The following KCMF1 variants were observed in gnomAD, a reference collection of about 807,000 sequenced individuals.
The protein encoded by KCMF1 is E3 ubiquitin-protein ligase KCMF1.
A neutral mutation model predicts 41.1 loss-of-function variants in KCMF1; 3 were observed. That is an observed-to-expected ratio of 0.07 (90% confidence interval 0.03 to 0.19). The LOEUF (loss-of-function observed/expected upper bound fraction) is 0.19, where lower values mean the gene tolerates loss of function less well. Ranked by LOEUF, KCMF1 falls within the 10% of genes least tolerant of loss-of-function variation. The pLI is 1.00. For missense variants in KCMF1, 286 were observed against 488.9 expected, an observed-to-expected ratio of 0.58 and a Z score of 3.91; for synonymous variants, 142 against 164.5, an observed-to-expected ratio of 0.86 and a Z score of 1.04.
chr2:85,048,563 G>A (rs148408856), intron 5 of KCMF1, among the ~76,000 whole-genome samples: 4 of 152,218 alleles, frequency 2.6e-5, no homozygotes, highest in African/African-American at 9.7e-5. Context: ...GGCAGTCATC[G>A]ATTCCCTATA....
chr2:84,977,829 T>G (rs1004238296), intron 1 of KCMF1, among the ~76,000 whole-genome samples: 4 of 152,126 alleles, frequency 2.6e-5, no homozygotes, highest in Admixed American at 1.3e-4. Flanking sequence ...ATTTCTGGGG[T>G]CTTTGATTTC....
At position 85,035,098 on chromosome 2, in the gene KCMF1, G is replaced by A. The variant is rs765616425; in HGVS notation, c.267G>A (p.Thr89=). The stretch of plus-strand genomic sequence containing the variant: ...CCTATTGTGGAAAAATGGGCTATAC[G>A]GAGACATCTCTTCAAGAACATGTTA... ...TCPYCGKMGY[T]ETSLQEHVTS... The change falls in exon 3 of 7, where the codon ACG becomes ACA. Residue 89 remains threonine (T), a synonymous_variant. Coordinates refer to ENST00000409785, the MANE Select transcript of KCMF1 (RefSeq NM_020122.5). The A allele has an allele frequency of 6.8e-6, 11 of 1,613,296 alleles. No individual in the cohort carries two copies. Among genetic ancestry groups the A allele is most frequent in the East Asian group, 2.2e-5 (1 of 44,848 alleles).
chr2:85,015,276 T>A (rs1324644303), intron 1 of KCMF1, among the ~76,000 whole-genome samples: 3 of 152,174 alleles, frequency 2.0e-5, no homozygotes, highest in Non-Finnish European at 4.4e-5. Flanking sequence ...TTTCATTTGC[T>A]TAATTCATTC....
At chr2:85,025,038 C>T (rs1181945205) in intron 1 of KCMF1, among the ~76,000 whole-genome samples, 3 of 152,190 alleles carry the variant, frequency 2.0e-5, no homozygotes, top group Non-Finnish European at 4.4e-5. Context: ...ACAAGTCCCT[C>T]TATCTCATTT....
Position 85,049,460 on chromosome 2 carries a change from G to A in KCMF1, c.696G>A (p.Met232Ile), listed in dbSNP as rs1302361785. 1 of 1,614,022 alleles carries A rather than the reference G, an allele frequency of 6.2e-7. No homozygotes were observed. Among genetic ancestry groups the A allele is most frequent in the African/African-American group, 1.3e-5 (1 of 75,048 alleles). ...PSASQLQQLQ[M>I]QLQLERQHAQ... is the part of the protein sequence containing the mutation. The stretch of plus-strand genomic sequence containing the variant: ...CTTCTCAGTTACAACAACTGCAGAT[G>A]CAGCTGCAGCTAGAACGGCAGCATG... Residue 232 changes from methionine to isoleucine, a missense_variant, in exon 6 of 7, where the codon ATG (methionine) becomes ATA (isoleucine). Met to Ile is a conservative substitution (Grantham distance 10). Transcript: ENST00000409785.
intron 1 of KCMF1, among the ~76,000 whole-genome samples, chr2:84,979,396 C>G (rs1057102930): frequency 1.3e-5 from 2 of 151,752 alleles, no homozygotes; most frequent in African/African-American, 2.4e-5. Context: ...TGATGGCAGG[C>G]GCCTGTAATC....
chr2:85,037,716 T>C (rs1262981589), intron 3 of KCMF1, among the ~76,000 whole-genome samples: 1 of 152,252 alleles, frequency 6.6e-6, no homozygotes, highest in African/African-American at 2.4e-5. Context: ...CTAAATGCTC[T>C]GTTTGCTATC....
At chr2:84,990,314 T>A (rs918313333) in intron 1 of KCMF1, among the ~76,000 whole-genome samples, 1 of 152,262 alleles carries the variant, frequency 6.6e-6, no homozygotes, top group Middle Eastern at 3.4e-3. Flanking sequence ...TTTTGGCACA[T>A]AATAGAGACT....
At chr2:85,045,731 G>A (rs577173040) in intron 4 of KCMF1, among the ~76,000 whole-genome samples, 7 of 152,262 alleles carry the variant, frequency 4.6e-5, no homozygotes, top group South Asian at 4.1e-4. Context: ...GCTTAGCAGC[G>A]GCATTGGAAA....
At chr2:84,987,240 G>C (rs1237631484) in intron 1 of KCMF1, among the ~76,000 whole-genome samples, 1 of 152,230 alleles carries the variant, frequency 6.6e-6, no homozygotes, top group African/African-American at 2.4e-5. Context: ...AGAGGAAGGA[G>C]TAGTGCATTA....
chr2:84,996,179 T>G (rs1175115349), intron 1 of KCMF1, among the ~76,000 whole-genome samples: 3 of 152,218 alleles, frequency 2.0e-5, no homozygotes, highest in Non-Finnish European at 4.4e-5. Flanking sequence ...CAGGTTTTTC[T>G]TTTGGGACAT....
intron 1 of KCMF1, among the ~76,000 whole-genome samples, chr2:85,019,832 A>G (rs935687466): frequency 5.3e-5 from 8 of 151,724 alleles, no homozygotes; most frequent in African/African-American, 1.5e-4. Context: ...ATATATACGT[A>G]TGTATATATG....
At chr2:85,047,816 A>T (rs1361451638) in intron 5 of KCMF1, among the ~76,000 whole-genome samples, 2 of 152,124 alleles carry the variant, frequency 1.3e-5, no homozygotes, top group African/African-American at 4.8e-5. Context: ...CCATGTGGTG[A>T]AGTGTGCACC....
At chr2:85,020,835 T>C (rs1674914771) in intron 1 of KCMF1, among the ~76,000 whole-genome samples, 3 of 152,210 alleles carry the variant, frequency 2.0e-5, no homozygotes, top group Non-Finnish European at 4.4e-5. Context: ...CACTGCTTTA[T>C]GTTTCTCCAT....
At chr2:84,979,653 CT>C (rs1195161882) in intron 1 of KCMF1, among the ~76,000 whole-genome samples, 1 of 151,814 alleles carries the variant, frequency 6.6e-6, no homozygotes, top group Non-Finnish European at 1.5e-5. Context: ...TAATAAAAGT[CT>C]TTTTTTATAG....
chr2:84,984,854 ATTAT>A (rs1268890061), intron 1 of KCMF1, among the ~76,000 whole-genome samples: 1 of 152,028 alleles, frequency 6.6e-6, no homozygotes, highest in Non-Finnish European at 1.5e-5. Flanking sequence ...AGAAACTTCT[ATTAT>A]TTATTTATTT....
intron 1 of KCMF1, among the ~76,000 whole-genome samples, chr2:84,976,331 C>T (rs902508852): frequency 5.9e-5 from 9 of 151,792 alleles, no homozygotes; most frequent in Non-Finnish European, 1.2e-4. Context: ...CTCAGCCTCC[C>T]GAGTAGCTCG....
At chr2:85,014,230 G>T (rs1034031655) in intron 1 of KCMF1, among the ~76,000 whole-genome samples, 1 of 152,176 alleles carries the variant, frequency 6.6e-6, no homozygotes. Context: ...GAGAAGTTGT[G>T]TAATTAGTAG....
rs371504093 is a variant in KCMF1 at position 85,040,075 on chromosome 2, C to T, written c.325-3489C>T. On this transcript the variant is annotated intron_variant, in intron 3 of 6. Coordinates refer to ENST00000409785, the MANE Select transcript of KCMF1 (RefSeq NM_020122.5). ...AGGCAATCCATCTGCCTTGGCCTCC[C>T]AAAGTGCTGCGATTGTAGGCGTGAG... Among the ~76,000 whole-genome samples, 31 of 152,262 alleles carry T rather than the reference C, an allele frequency of 2.0e-4. No homozygotes were observed. In the East Asian group the frequency reaches 5.8e-3, roughly 29 times the overall value.
Sources: gnomAD v4.1 joint callset for allele counts (sites outside exome capture counted in the v4.1 genomes callset) on GRCh38, gnomAD v4.1.1 for gene constraint, MANE v1.5 for transcripts, NCBI Gene and HGNC (gene_info 2026-07-23, HGNC 2026-07-21) for gene names.